NOTCH2: variants seen among roughly 807,000 people sequenced by gnomAD.
NOTCH2 encodes notch receptor 2.
In NOTCH2, 29 loss-of-function variants were observed where a neutral mutation model predicts 235.8. That is an observed-to-expected ratio of 0.12 (90% CI 0.09 to 0.17). The LOEUF is 0.17. Ranked by LOEUF, NOTCH2 falls within the 10% of genes least tolerant of loss-of-function variation. The probability of loss-of-function intolerance (pLI) is 1.00; values close to 1 mark genes in which losing one functional copy is unlikely to be tolerated. For missense variants in NOTCH2, 2,285 were observed against 3,150.2 expected (o/e 0.73, Z 6.57); for synonymous variants, 1,086 against 1,141.5 (o/e 0.95, Z 0.98).
At chr1:120,016,070 T>C (rs1360620401) in intron 2 of NOTCH2, among the ~76,000 whole-genome samples, 1 of 132,578 alleles carries the variant, frequency 7.5e-6, no homozygotes, top group Non-Finnish European at 1.6e-5. Flanking sequence ...ACTGGGACGC[T>C]TGTGGTAAAA....
chr1:119,969,408 G>T lies in NOTCH2; in HGVS notation c.1108+103C>A, dbSNP rs1436347327. 5.2e-6 allele frequency: 5 copies of T among 954,132 alleles called. No individual in the cohort carries two copies. In the African/African-American group the frequency reaches 6.5e-5, roughly 12 times the overall value. 59.1% of individuals were successfully genotyped at this position (954,132 alleles called of 1,614,324 possible). ...CAGTCCTGAGTGATATGTTCCCATA[G>T]ATGGTAACTCAAAGAATATGCTGTT... On this transcript the variant is annotated intron_variant, in intron 6 of 33. Transcript: ENST00000256646.
At chr1:119,975,957 T>C (rs1399281958) in intron 5 of NOTCH2, among the ~76,000 whole-genome samples, 1 of 151,276 alleles carries the variant, frequency 6.6e-6, no homozygotes, top group African/African-American at 2.4e-5. Flanking sequence ...GAGAAAGGAA[T>C]TGAAAAAAGT....
intron 14 of NOTCH2, among the ~76,000 whole-genome samples, chr1:119,952,798 T>C (rs1557819181): frequency 6.6e-6 from 1 of 152,220 alleles, no homozygotes; most frequent in Non-Finnish European, 1.5e-5. Flanking sequence ...ACTAAATAAC[T>C]AAGAATATCT....
chr1:120,066,956 CA>C lies in NOTCH2; in HGVS notation c.73+2377del, dbSNP rs1222138342. On this transcript the variant is annotated intron_variant, in intron 1 of 33. Transcript: ENST00000256646. The stretch of plus-strand genomic sequence containing the variant: ...AGCTGAGAAATTATCTAGCAGGCAG[CA>C]AAATCAGGGAGTCACTTCCCATTGC... Among the ~76,000 whole-genome samples the C allele has an allele frequency of 2.0e-5, 3 of 149,740 alleles. No individual in the cohort carries two copies. The East Asian group carries it at 5.9e-4, about 29-fold the overall frequency.
Position 119,942,873 on chromosome 1 carries a change from CTT to C in NOTCH2, c.2753-1121_2753-1120del, listed in dbSNP as rs587671333. 4.5e-3 allele frequency among the ~76,000 whole-genome samples: 580 copies of C among 128,714 alleles called. 4 individuals are homozygous for C. The highest frequency in any genetic ancestry group is 0.012 in the African/African-American group (416 of 33,652). 84.4% of individuals were successfully genotyped at this position (128,714 alleles called of 152,430 possible). A position where few individuals can be genotyped will look rare whatever the true frequency, so the allele number is the denominator to read the frequency against. On this transcript the variant is annotated intron_variant, in intron 17 of 33. Transcript: ENST00000256646. ...TCATTAAAATTATTTGTCCATATGT[CTT>C]TTTTTTTTTTTTTTTTTGGTGAAGT... is the stretch of plus-strand genomic sequence containing the variant.
intron 5 of NOTCH2, among the ~76,000 whole-genome samples, chr1:119,982,059 C>G (rs192946488): frequency 9.1e-4 from 139 of 152,230 alleles, no homozygotes; most frequent in African/African-American, 2.7e-3. Flanking sequence ...AAAGCACCAT[C>G]ATGAAAATCT....
intron 13 of NOTCH2, among the ~76,000 whole-genome samples, chr1:119,954,557 A>T (rs181174376): frequency 2.8e-4 from 42 of 152,232 alleles, no homozygotes; most frequent in African/African-American, 9.9e-4. Context: ...CACATCACAC[A>T]AGTCTGTGGG....
intron 5 of NOTCH2, among the ~76,000 whole-genome samples, chr1:119,977,580 C>T (rs1453051821): frequency 1.3e-5 from 2 of 152,164 alleles, no homozygotes; most frequent in Admixed American, 6.5e-5. Flanking sequence ...AGCGGGTTTT[C>T]TTTTTATTCC....
chr1:120,014,319 C>T (rs1385467942), intron 2 of NOTCH2, among the ~76,000 whole-genome samples: 1 of 152,152 alleles, frequency 6.6e-6, no homozygotes, highest in Non-Finnish European at 1.5e-5. Flanking sequence ...AATCCCAGCA[C>T]TGTGGGAGGC....
chr1:119,963,635 G>A lies in NOTCH2; in HGVS notation c.1854C>T (p.Asn618=), dbSNP rs1257603365. 1.4e-5 allele frequency: 22 copies of A among 1,614,148 alleles called. No homozygotes were observed. Among genetic ancestry groups the A allele is most frequent in the East Asian group, 2.2e-5 (1 of 44,884 alleles). Residue 618 remains asparagine, a synonymous_variant, in exon 11 of 34, where the codon AAC becomes AAT. Coordinates refer to ENST00000256646, the MANE Select transcript of NOTCH2 (RefSeq NM_024408.4). The stretch of plus-strand genomic sequence containing the variant: ...TGACCAGGTCAATGCAGCGACCATC[G>A]TTCAGGCAAGGGCTGCTGTAACATT... The part of the protein sequence containing the change: ...IDECYSSPCL[N]DGRCIDLVNG...
chr1:120,060,343 T>G (rs1489234100), intron 1 of NOTCH2, among the ~76,000 whole-genome samples: 1 of 146,258 alleles, frequency 6.8e-6, no homozygotes, highest in African/African-American at 2.5e-5. Context: ...TTAAGTAATA[T>G]TTACCACTTA....
chr1:120,010,444 G>T (rs587714421), intron 2 of NOTCH2, among the ~76,000 whole-genome samples: 99 of 152,134 alleles, frequency 6.5e-4, no homozygotes, highest in African/African-American at 2.1e-3. Flanking sequence ...TAAATGCTTG[G>T]AGTTATTATT....
intron 5 of NOTCH2, among the ~76,000 whole-genome samples, chr1:119,982,408 T>C (rs980756222): frequency 4.6e-5 from 7 of 152,142 alleles, no homozygotes; most frequent in African/African-American, 1.7e-4. Flanking sequence ...AGAGAGGAAT[T>C]TGTGAGTTGA....
chr1:120,057,903 CCT>C (rs1425302020), intron 1 of NOTCH2, among the ~76,000 whole-genome samples: 1 of 88,312 alleles, frequency 1.1e-5, no homozygotes, highest in Non-Finnish European at 2.3e-5. Flanking sequence ...AATACCTACC[CCT>C]GTCTCTTAGG....
intron 29 of NOTCH2, 99 bp from the exon 30 acceptor site, chr1:119,920,496 T>C: frequency 1.5e-6 from 2 of 1,320,480 alleles, no homozygotes; most frequent in Non-Finnish European, 1.1e-6. Flanking sequence ...TTATCTCCCA[T>C]TGTTTTCTCT....
At position 120,069,417 on chromosome 1, in the gene NOTCH2, G is replaced by T. The variant is rs1557870820; in HGVS notation, c.-11C>A. ...GCGCAGGGCGGGCATCTTCTCGGTC[G>T]CCTCCTCCTCCGCCGCCGCCGCCGC... is the stretch of plus-strand genomic sequence containing the variant. On this transcript the variant is annotated 5_prime_UTR_variant, in exon 1 of 34. Transcript: ENST00000256646. The T allele has an allele frequency of 1.3e-6, 2 of 1,540,254 alleles. No individual in the cohort carries two copies. Among genetic ancestry groups the T allele is most frequent in the Non-Finnish European group, 8.7e-7 (1 of 1,151,292 alleles).
At chr1:119,986,898 A>T (rs1553202282) in intron 5 of NOTCH2, 62 bp downstream of exon 5, 1 of 1,610,546 alleles carries the variant, frequency 6.2e-7, no homozygotes, top group African/African-American at 1.3e-5. Context: ...TTTTAAAAAA[A>T]CAGTCTGCCT....
intron 8 of NOTCH2, 63 bp from the exon 9 acceptor site, chr1:119,966,552 G>A (rs781963139): frequency 3.0e-5 from 33 of 1,107,168 alleles, no homozygotes; most frequent in Non-Finnish European, 4.5e-5. Context: ...AGACAAGGAA[G>A]CACAAATTTG....
At chr1:119,979,517 G>T (rs782412245) in intron 5 of NOTCH2, among the ~76,000 whole-genome samples, 7 of 152,098 alleles carry the variant, frequency 4.6e-5, no homozygotes, top group Non-Finnish European at 8.8e-5. Context: ...TAAATCAAAA[G>T]ACATTTTTTG....
Sources: allele counts gnomAD v4.1 joint callset (sites outside exome capture counted in the v4.1 genomes callset), GRCh38; gene constraint gnomAD v4.1.1; transcripts MANE v1.5; gene names NCBI Gene and HGNC (gene_info 2026-07-23, HGNC 2026-07-21).